The following C8orf34 variants were observed in gnomAD, a reference collection of about 807,000 sequenced individuals.
C8orf34 encodes chromosome 8 open reading frame 34.
C8orf34 carries 65 observed loss-of-function variants against 68.3 expected under a neutral mutation model. The observed-to-expected ratio is 0.95, with a 90% CI of 0.78 to 1.17. The LOEUF is 1.17. C8orf34 is among the 50% of genes most tolerant of loss of function. The pLI, the probability that C8orf34 is intolerant of heterozygous loss-of-function variation, is 0.00. For missense variants in C8orf34, 664 were observed against 655.4 expected (o/e 1.01, Z -0.14); for synonymous variants, 244 against 241.2 (o/e 1.01, Z -0.11).
chr8:68,656,416 A>G (rs1819512915), intron 8 of C8orf34, among the ~76,000 whole-genome samples: 1 of 152,228 alleles, frequency 6.6e-6, no homozygotes, highest in African/African-American at 2.4e-5. Flanking sequence ...GATCCAATTA[A>G]ATAATGTCTA....
chr8:68,715,675 G>T (rs990375173), intron 9 of C8orf34, among the ~76,000 whole-genome samples: 1 of 151,640 alleles, frequency 6.6e-6, no homozygotes, highest in African/African-American at 2.4e-5. Flanking sequence ...AAAGATGTTG[G>T]TGTGGATGTG....
At chr8:68,615,889 G>A (rs1347963698) in intron 7 of C8orf34, among the ~76,000 whole-genome samples, 4 of 151,184 alleles carry the variant, frequency 2.6e-5, no homozygotes, top group African/African-American at 9.8e-5. Context: ...TTGTACCTCT[G>A]GTAGAATTCG....
intron 1 of C8orf34, among the ~76,000 whole-genome samples, chr8:68,354,993 A>G (rs943982094): frequency 6.6e-6 from 1 of 152,072 alleles, no homozygotes; most frequent in African/African-American, 2.4e-5. Flanking sequence ...GAAAAAAAAA[A>G]CATTGAAAAT....
intron 10 of C8orf34, among the ~76,000 whole-genome samples, chr8:68,763,110 CT>C (rs1326326162): frequency 6.6e-6 from 1 of 152,082 alleles, no homozygotes; most frequent in East Asian, 1.9e-4. Context: ...GTAAGATGGA[CT>C]TATTTTTTTT....
chr8:68,772,925 T>G (rs1308625142), intron 10 of C8orf34, among the ~76,000 whole-genome samples: 1 of 151,740 alleles, frequency 6.6e-6, no homozygotes, highest in Non-Finnish European at 1.5e-5. Flanking sequence ...TTTCCATGTT[T>G]TCTTTCCTTT....
chr8:68,643,410 C>T (rs1303517119), intron 8 of C8orf34, among the ~76,000 whole-genome samples: 1 of 152,178 alleles, frequency 6.6e-6, no homozygotes, highest in Non-Finnish European at 1.5e-5. Flanking sequence ...CCACATAATG[C>T]TTTGAAATAC....
At chr8:68,626,985 G>A (rs916907106) in intron 7 of C8orf34, among the ~76,000 whole-genome samples, 1 of 152,002 alleles carries the variant, frequency 6.6e-6, no homozygotes, top group African/African-American at 2.4e-5. Context: ...AGTGTCCTGG[G>A]AGAATTCGAA....
At chr8:68,775,070 GA>G (rs35109353) in intron 10 of C8orf34, among the ~76,000 whole-genome samples, 2,771 of 124,202 alleles carry the variant, frequency 0.022, 82 homozygotes, top group African/African-American at 0.07. Context: ...GTAAGCCCAG[GA>G]AAAAAAAAAA....
intron 7 of C8orf34, among the ~76,000 whole-genome samples, chr8:68,555,432 A>G (rs1816221566): frequency 6.6e-6 from 1 of 152,066 alleles, no homozygotes. Context: ...AGATTCATGC[A>G]TTCTACTTAC....
At chr8:68,377,762 A>G (rs909385769) in intron 1 of C8orf34, among the ~76,000 whole-genome samples, 15 of 152,146 alleles carry the variant, frequency 9.9e-5, no homozygotes, top group African/African-American at 3.1e-4. Context: ...TCACGCTGCT[A>G]TGAAAACATA....
At chr8:68,405,208 T>G (rs995295170) in intron 1 of C8orf34, among the ~76,000 whole-genome samples, 1 of 152,120 alleles carries the variant, frequency 6.6e-6, no homozygotes, top group Non-Finnish European at 1.5e-5. Context: ...TAGCTTAGAT[T>G]TAGCATTTTT....
At chr8:68,730,942 A>G (rs190426174) in intron 10 of C8orf34, among the ~76,000 whole-genome samples, 31 of 152,306 alleles carry the variant, frequency 2.0e-4, no homozygotes, top group African/African-American at 7.0e-4. Context: ...GTTATTGCTA[A>G]TTCTTTACTA....
chr8:68,433,813 A>G (rs1810545707), intron 1 of C8orf34, among the ~76,000 whole-genome samples: 1 of 152,216 alleles, frequency 6.6e-6, no homozygotes, highest in Non-Finnish European at 1.5e-5. Flanking sequence ...GACTCATTCC[A>G]GTTTTAATAA....
intron 5 of C8orf34, among the ~76,000 whole-genome samples, chr8:68,497,398 A>G (rs903625026): frequency 2.0e-5 from 3 of 152,234 alleles, no homozygotes; most frequent in Non-Finnish European, 2.9e-5. Flanking sequence ...AGACAATTTC[A>G]CACATTGCTA....
intron 7 of C8orf34, among the ~76,000 whole-genome samples, chr8:68,623,697 T>C (rs1818452829): frequency 6.6e-6 from 1 of 152,090 alleles, no homozygotes; most frequent in South Asian, 2.1e-4. Context: ...GGCCCTCTTC[T>C]GGGTTGTGGA....
At chr8:68,342,667 T>A (rs1177775253) in intron 1 of C8orf34, among the ~76,000 whole-genome samples, 2 of 152,144 alleles carry the variant, frequency 1.3e-5, no homozygotes, top group Non-Finnish European at 2.9e-5. Context: ...TGTGAATCAT[T>A]CCTTTGTCCA....
At chr8:68,746,654 G>C (rs1464236952) in intron 10 of C8orf34, among the ~76,000 whole-genome samples, 1,596 of 148,118 alleles carry the variant, frequency 0.011, 25 homozygotes, top group African/African-American at 0.038. Flanking sequence ...TAAATTCCTC[G>C]ACACATACAC....
At chr8:68,336,664 A>G in intron 1 of C8orf34, among the ~76,000 whole-genome samples, 1 of 152,222 alleles carries the variant, frequency 6.6e-6, no homozygotes, top group East Asian at 1.9e-4. Flanking sequence ...AGGGCCTGGG[A>G]ATAACAACAT....
intron 8 of C8orf34, among the ~76,000 whole-genome samples, chr8:68,704,171 G>A (rs1821099170): frequency 6.6e-6 from 1 of 152,100 alleles, no homozygotes; most frequent in Non-Finnish European, 1.5e-5. Context: ...GGCAAACACA[G>A]ACATCTACAT....
Sources: allele counts gnomAD v4.1 joint callset (sites outside exome capture counted in the v4.1 genomes callset), GRCh38; gene constraint gnomAD v4.1.1; transcripts MANE v1.5; gene names NCBI Gene and HGNC (gene_info 2026-07-23, HGNC 2026-07-21).